The following PLEKHA7 variants were observed in gnomAD, a reference collection of about 807,000 sequenced individuals.
The protein encoded by PLEKHA7 is pleckstrin homology domain-containing family A member 7.
In PLEKHA7, 104 loss-of-function variants were observed where a neutral mutation model predicts 170.0. The observed-to-expected ratio is 0.61, with a 90% CI of 0.52 to 0.72. PLEKHA7 has a LOEUF of 0.72. Ranked by LOEUF, PLEKHA7 falls within the 30% of genes least tolerant of loss-of-function variation. The probability of loss-of-function intolerance (pLI) is 0.00; values close to 1 mark genes in which losing one functional copy is unlikely to be tolerated. For synonymous variants in PLEKHA7, 648 were observed against 660.8 expected (o/e 0.98, Z 0.30); for missense variants, 1,615 against 1,671.7 (o/e 0.97, Z 0.59).
intron 3 of PLEKHA7, among the ~76,000 whole-genome samples, chr11:16,896,346 C>T (rs554481806): frequency 4.6e-5 from 7 of 152,286 alleles, no homozygotes; most frequent in South Asian, 2.1e-4. Flanking sequence ...GGGGAGGGGG[C>T]GTCTGAAGGG....
intron 3 of PLEKHA7, among the ~76,000 whole-genome samples, chr11:16,968,124 C>G (rs1002942322): frequency 3.3e-5 from 5 of 152,136 alleles, no homozygotes; most frequent in African/African-American, 1.2e-4. Flanking sequence ...TGGGCTTTAC[C>G]CACAGGAAGT....
chr11:16,924,629 C>T (rs1366933124), intron 3 of PLEKHA7, among the ~76,000 whole-genome samples: 1 of 152,078 alleles, frequency 6.6e-6, no homozygotes, highest in African/African-American at 2.4e-5. Flanking sequence ...GCTGTCCCAC[C>T]GACAACGAAA....
At chr11:16,908,762 C>T (rs1306801356) in intron 3 of PLEKHA7, among the ~76,000 whole-genome samples, 2 of 152,206 alleles carry the variant, frequency 1.3e-5, no homozygotes, top group Non-Finnish European at 1.5e-5. Flanking sequence ...TCCCGAAGTG[C>T]TGGGATTACA....
intron 9 of PLEKHA7, 51 bp downstream of exon 9, chr11:16,841,496 C>G (rs751542018): frequency 3.2e-6 from 5 of 1,576,606 alleles, no homozygotes; most frequent in Non-Finnish European, 4.3e-6. Flanking sequence ...TATCTGGGTC[C>G]CAATCCTAGT....
chr11:16,823,356 A>ACCCC (rs1850392132), intron 10 of PLEKHA7, among the ~76,000 whole-genome samples: 1 of 152,152 alleles, frequency 6.6e-6, no homozygotes, highest in Admixed American at 6.5e-5. Context: ...ACCCCAGATC[A>ACCCC]ACTACATCAA....
chr11:16,813,086 G>C, intron 13 of PLEKHA7, 27 bp downstream of exon 13: 1 of 1,606,432 alleles, frequency 6.2e-7, no homozygotes, highest in East Asian at 2.2e-5. Context: ...AGTATGCAAG[G>C]AAGGCAGGAA....
intron 3 of PLEKHA7, among the ~76,000 whole-genome samples, chr11:16,883,940 A>G (rs951077141): frequency 1.2e-4 from 18 of 152,192 alleles, no homozygotes; most frequent in African/African-American, 4.3e-4. Flanking sequence ...AGTTTCTTGT[A>G]TATCCTTTTC....
chr11:16,910,338 T>G (rs1182179970), intron 3 of PLEKHA7, among the ~76,000 whole-genome samples: 2 of 152,200 alleles, frequency 1.3e-5, no homozygotes, highest in East Asian at 1.9e-4. Context: ...AATTGCAGAT[T>G]GGAGTCCAAA....
intron 3 of PLEKHA7, among the ~76,000 whole-genome samples, chr11:17,011,858 T>C (rs955167721): frequency 1.3e-5 from 2 of 152,144 alleles, no homozygotes; most frequent in African/African-American, 2.4e-5. Context: ...CTCATGATTC[T>C]CCTCCACCCC....
At chr11:16,966,946 C>T (rs764238826) in intron 3 of PLEKHA7, among the ~76,000 whole-genome samples, 8 of 152,092 alleles carry the variant, frequency 5.3e-5, no homozygotes, top group South Asian at 2.1e-4. Context: ...CATGAAGTGG[C>T]GAAATGGTTC....
At chr11:16,892,291 G>A (rs914849264) in intron 3 of PLEKHA7, among the ~76,000 whole-genome samples, 1 of 152,270 alleles carries the variant, frequency 6.6e-6, no homozygotes, top group African/African-American at 2.4e-5. Flanking sequence ...TATGTATGGT[G>A]GGAAAAGAGC....
chr11:16,994,763 C>A (rs1044528704), intron 3 of PLEKHA7, among the ~76,000 whole-genome samples: 1 of 152,160 alleles, frequency 6.6e-6, no homozygotes, highest in Admixed American at 6.5e-5. Flanking sequence ...TTCTCAAGAT[C>A]CAGCTCGGGC....
intron 3 of PLEKHA7, among the ~76,000 whole-genome samples, chr11:17,007,618 G>C (rs889798213): frequency 2.7e-5 from 4 of 149,130 alleles, no homozygotes; most frequent in African/African-American, 1.0e-4. Context: ...CTGTCGCCCA[G>C]GCTGGAGTGC....
chr11:16,917,233 T>C (rs1026677289), intron 3 of PLEKHA7, among the ~76,000 whole-genome samples: 2 of 151,934 alleles, frequency 1.3e-5, no homozygotes, highest in Non-Finnish European at 2.9e-5. Flanking sequence ...AAATAAAAAA[T>C]AAAAAATTGG....
intron 23 of PLEKHA7, 138 bp downstream of exon 23, chr11:16,788,958 C>T: frequency 2.7e-6 from 3 of 1,104,320 alleles, no homozygotes; most frequent in Non-Finnish European, 3.9e-6. Context: ...GACAAACAGC[C>T]CCGTGGGGTG....
intron 17 of PLEKHA7, among the ~76,000 whole-genome samples, chr11:16,800,688 C>T (rs940102210): frequency 6.6e-6 from 1 of 152,202 alleles, no homozygotes; most frequent in Non-Finnish European, 1.5e-5. Context: ...ACTGATGACA[C>T]CAAATGATCA....
At chr11:16,982,780 T>TACACACACACACACACACACACACACAC (rs35725815) in intron 3 of PLEKHA7, among the ~76,000 whole-genome samples, 1 of 144,026 alleles carries the variant, frequency 6.9e-6, no homozygotes, top group Admixed American at 7.0e-5. Flanking sequence ...CACTATCCCC[T>TACACACACACACACACACACACACACAC]ACACACACAC....
intron 3 of PLEKHA7, among the ~76,000 whole-genome samples, chr11:16,975,363 A>G (rs1399356698): frequency 6.6e-6 from 1 of 152,246 alleles, no homozygotes; most frequent in African/African-American, 2.4e-5. Flanking sequence ...ACTCCAAAAA[A>G]TTTTATCGAT....
chr11:16,907,361 C>T (rs1857871670), intron 3 of PLEKHA7, among the ~76,000 whole-genome samples: 1 of 135,988 alleles, frequency 7.4e-6, no homozygotes, highest in South Asian at 2.4e-4. Flanking sequence ...TCTGCCCGGC[C>T]AGCCGCCCCA....
Sources: gnomAD v4.1 joint callset for allele counts (sites outside exome capture counted in the v4.1 genomes callset) on GRCh38, gnomAD v4.1.1 for gene constraint, MANE v1.5 for transcripts, NCBI Gene and HGNC (gene_info 2026-07-23, HGNC 2026-07-21) for gene names.